LRRD1: variants seen among roughly 807,000 people sequenced by gnomAD.
The protein encoded by LRRD1 is leucine rich repeats and death domain containing 1, also known as leucine-rich repeat and death domain-containing protein 1.
Under a neutral mutation model 69.5 loss-of-function variants are expected in LRRD1, and 49 were observed. That is an observed-to-expected ratio of 0.70 (90% CI 0.56 to 0.89). The LOEUF (loss-of-function observed/expected upper bound fraction) is 0.89, where lower values mean the gene tolerates loss of function less well. LRRD1 is among the 40% of genes least tolerant of loss of function. LRRD1 has a pLI of 0.00. For missense variants in LRRD1, 853 were observed against 956.0 expected, an observed-to-expected ratio of 0.89 and a Z score of 1.42; for synonymous variants, 303 against 338.9, an observed-to-expected ratio of 0.89 and a Z score of 1.16.
At chr7:92,158,964 CTACTTATTGA>C in intron 3 of LRRD1, 31 bp downstream of exon 3, 1 of 1,478,182 alleles carries the variant, frequency 6.8e-7, no homozygotes, top group Non-Finnish European at 9.0e-7. Context: ...CATTAATACT[CTACTTATTGA>C]TTATGCTTAC....
At position 92,163,360 on chromosome 7, in the gene LRRD1, T is replaced by A; in HGVS notation, c.1843A>T (p.Ile615Leu). Residue 615 changes from isoleucine to leucine, a missense_variant, in exon 2 of 6, where the codon ATA becomes TTA. Physicochemically the swap from Ile to Leu is conservative, Grantham distance 5. Around this residue, in one of 3 missense-constraint regions of LRRD1, gnomAD observed 739 missense variants for 808.0 expected, o/e 0.91. Transcript: ENST00000458448. ...TGGCACAGTTCAATAGGAAAATGTA[T>A]AAATTGATTGCTTGAGAAGTTTAAT... ...QKLNFSSNQF[I>L]HFPIELCQLQ... 1 of 1,543,684 alleles carries A rather than the reference T, an allele frequency of 6.5e-7. No individual in the cohort carries two copies. Among genetic ancestry groups the A allele is most frequent in the Non-Finnish European group, 8.7e-7 (1 of 1,144,788 alleles).
At chr7:92,147,504 TG>T (rs1820358378) in intron 4 of LRRD1, among the ~76,000 whole-genome samples, 1 of 150,396 alleles carries the variant, frequency 6.6e-6, no homozygotes, top group Non-Finnish European at 1.5e-5. Context: ...TGTTTTGTTT[TG>T]TTTTGTTTGG....
At chr7:92,148,596 A>G (rs564646221) in intron 4 of LRRD1, among the ~76,000 whole-genome samples, 1 of 152,282 alleles carries the variant, frequency 6.6e-6, no homozygotes, top group East Asian at 1.9e-4. Flanking sequence ...CTGGATGCCA[A>G]GCCTGCAATA....
downstream of LRRD1, chr7:92,142,423 C>T: frequency 2.2e-6 from 1 of 456,594 alleles, no homozygotes; most frequent in Non-Finnish European, 4.4e-6. Context: ...CTACTACACA[C>T]TGTGCATGAT....
chr7:92,169,124 G>A (rs1195335431), intron 1 of LRRD1, among the ~76,000 whole-genome samples: 1 of 151,990 alleles, frequency 6.6e-6, no homozygotes, highest in African/African-American at 2.4e-5. Flanking sequence ...TCATTGAATT[G>A]GCCAGGCTGG....
rs1563195897 is a variant in LRRD1 at position 92,174,511 on chromosome 7, T to TGTATATA, written c.-75+4495_-75+4496insTATATAC. On this transcript the variant is annotated intron_variant, in intron 1 of 5. Coordinates refer to ENST00000458448, the MANE Select transcript of LRRD1 (RefSeq NM_001161528.2). ...TATATATATATATATATATATATAT[T>TGTATATA]TTTTTTTTTTTTTTTTTTTTTTTTT... Among the ~76,000 whole-genome samples, 54 of 26,702 alleles carry TGTATATA rather than the reference T, an allele frequency of 2.0e-3. 2 individuals are homozygous for TGTATATA. Among genetic ancestry groups the TGTATATA allele is most frequent in the Non-Finnish European group, 2.8e-3 (42 of 14,800 alleles). 17.5% of individuals were successfully genotyped at this position (26,702 alleles called of 152,430 possible). A position where few individuals can be genotyped will look rare whatever the true frequency, so the allele number is the denominator to read the frequency against.
At chr7:92,165,559 T>C (rs1192375329) in intron 1 of LRRD1, among the ~76,000 whole-genome samples, 1 of 151,974 alleles carries the variant, frequency 6.6e-6, no homozygotes, top group Non-Finnish European at 1.5e-5. Flanking sequence ...TCAGCAAATT[T>C]CATGGAAAAC....
rs111717648 is a variant in LRRD1, at chr7:92,150,535, A to T, written c.2277T>A (p.Asp759Glu). ...ARYLQRADERDEKILEKIFKI... is the reference protein window; with the variant it reads ...ARYLQRADEREEKILEKIFKI... ...GATAGTCAATCACTCATCACCTACC[A>T]TCTCTTTCATCTGCCCTCTGTAGAT... The change falls in exon 4 of 6, where the codon GAT (aspartate) becomes GAA (glutamate). Residue 759 changes from aspartate (D) to glutamate (E), a missense_variant and splice_region_variant. Asp to Glu is a conservative substitution (Grantham distance 45). This residue lies in a region of LRRD1 where 739 missense variants were observed against 808.0 expected (regional missense o/e 0.91). Transcript: ENST00000458448. 2.6e-6 allele frequency: 4 copies of T among 1,536,712 alleles called. No homozygotes were observed. In the African/African-American group the frequency reaches 4.1e-5, roughly 16 times the overall value.
chr7:92,145,000 G>C lies in LRRD1; in HGVS notation c.2471C>G (p.Thr824Ser). The C allele has an allele frequency of 1.2e-5, 19 of 1,541,812 alleles. No individual in the cohort carries two copies. Among genetic ancestry groups the C allele is most frequent in the Non-Finnish European group, 1.7e-5 (19 of 1,140,778 alleles). Residue 824 changes from threonine to serine, a missense_variant, in exon 6 of 6, where the codon ACT becomes AGT. Thr to Ser is a moderately conservative substitution (Grantham distance 58, BLOSUM62 1). Coordinates refer to ENST00000458448, the MANE Select transcript of LRRD1 (RefSeq NM_001161528.2). The part of the protein sequence containing the change: ...WKTQSNKLSL[T>S]AAALRDQLIR... Reference sequence around the variant, plus strand: ...TAGTTGATCTCTTAAAGCAGCAGCAGTTAGTGATAACTTGTTACTTTGTGT... The same window carrying C: ...TAGTTGATCTCTTAAAGCAGCAGCACTTAGTGATAACTTGTTACTTTGTGT...
In LRRD1 at chr7:92,150,557, A is replaced by C; in HGVS notation, c.2255T>G (p.Leu752Arg). 1 of 1,550,002 alleles carries C rather than the reference A, an allele frequency of 6.5e-7. No homozygotes were observed. Among genetic ancestry groups the C allele is most frequent in the Non-Finnish European group, 8.7e-7 (1 of 1,146,104 alleles). Residue 752 changes from leucine to arginine, a missense_variant, in exon 4 of 6, where the codon CTA (leucine) becomes CGA (arginine). Physicochemically the swap from Leu to Arg is moderately radical, Grantham distance 102. Coordinates refer to ENST00000458448, the MANE Select transcript of LRRD1 (RefSeq NM_001161528.2). ...ACCATCTCTTTCATCTGCCCTCTGT[A>C]GATAGCGTGCAATAGTATACAACTG... ...GKQLYTIARY[L>R]QRADERDEKI...
chr7:92,170,872 A>C (rs532827466), intron 1 of LRRD1, among the ~76,000 whole-genome samples: 2 of 152,228 alleles, frequency 1.3e-5, no homozygotes, highest in African/African-American at 2.4e-5. Context: ...AATGGAATAA[A>C]ACAGGAAATC....
chr7:92,163,328 T>C lies in LRRD1; in HGVS notation c.1875A>G (p.Gln625=). Residue 625 remains glutamine (Q), a synonymous_variant, in exon 2 of 6, where the codon CAA becomes CAG. Coordinates refer to ENST00000458448, the MANE Select transcript of LRRD1 (RefSeq NM_001161528.2). ...IHFPIELCQL[Q]SLEQLNISQI... ...GACTTATATTCAGCTGTTCCAGTGA[T>C]TGAAGTTGGCACAGTTCAATAGGAA... 4 of 1,519,018 alleles carry C rather than the reference T, an allele frequency of 2.6e-6. No individual in the cohort carries two copies. The highest frequency in any genetic ancestry group is 1.3e-5 in the South Asian group (1 of 78,322). The allele number at this position is 1,519,018 out of a possible 1,614,324, so 94.1% of individuals were successfully genotyped here.
In LRRD1 at chr7:92,163,909, T is replaced by C. The variant is rs776198587; in HGVS notation, c.1294A>G (p.Lys432Glu). The C allele has an allele frequency of 2.5e-5, 38 of 1,534,848 alleles. No homozygotes were observed. Among genetic ancestry groups the C allele is most frequent in the Non-Finnish European group, 3.2e-5 (37 of 1,140,738 alleles). Residue 432 changes from lysine to glutamate, a missense_variant, in exon 2 of 6, where the codon AAA becomes GAA. By Grantham distance (56) the Lys-to-Glu change is moderately conservative (BLOSUM62 1). Around this residue, in one of 3 missense-constraint regions of LRRD1, gnomAD observed 739 missense variants for 808.0 expected, o/e 0.91. Transcript: ENST00000458448. ...AGATGTGAGATACAGTCAGTTATTT[T>C]TACCATATTATTTCTGTTTACATGG... is the stretch of plus-strand genomic sequence containing the variant. ...KLHVNRNNMV[K>E]ITDCISHLNN...
chr7:92,145,633 G>A (rs980235782), intron 5 of LRRD1, among the ~76,000 whole-genome samples: 2 of 151,714 alleles, frequency 1.3e-5, no homozygotes, highest in Admixed American at 6.6e-5. Flanking sequence ...TAGAGGCGGG[G>A]TTTCACCGTG....
intron 1 of LRRD1, among the ~76,000 whole-genome samples, chr7:92,168,297 T>C (rs1214387495): frequency 6.6e-6 from 1 of 152,182 alleles, no homozygotes; most frequent in Non-Finnish European, 1.5e-5. Flanking sequence ...TTGGATTCCC[T>C]GGCAGGAGAC....
chr7:92,164,373 G>C lies in LRRD1; in HGVS notation c.830C>G (p.Pro277Arg), dbSNP rs944845812. The change falls in exon 2 of 6, where the codon CCT becomes CGT. Residue 277 changes from proline to arginine, a missense_variant. Pro to Arg is a moderately radical substitution (Grantham distance 103). Coordinates refer to ENST00000458448, the MANE Select transcript of LRRD1 (RefSeq NM_001161528.2). The stretch of plus-strand genomic sequence containing the variant: ...GAGAACCCTCAAGGTTTTTAAACTA[G>C]GCAGAGTATCTGGTATATGTCTTAA... Reference protein sequence around the residue: ...NKLRHIPDTLPSLKTLRVLNL... With the variant: ...NKLRHIPDTLRSLKTLRVLNL... 7.1e-6 allele frequency: 11 copies of C among 1,549,114 alleles called. No individual in the cohort carries two copies. Among genetic ancestry groups the C allele is most frequent in the Admixed American group, 2.0e-5 (1 of 50,470 alleles).
chr7:92,147,465 G>T (rs545945377), intron 4 of LRRD1, among the ~76,000 whole-genome samples: 1 of 135,444 alleles, frequency 7.4e-6, no homozygotes, highest in Admixed American at 7.7e-5. Context: ...TTTTTTATGT[G>T]CGTGGGTGTG....
At chr7:92,145,100 A>C in intron 5 of LRRD1, 26 bp from the exon 6 acceptor site, 1 of 1,129,594 alleles carries the variant, frequency 8.9e-7, no homozygotes, top group Non-Finnish European at 1.2e-6. Flanking sequence ...AATAATATTA[A>C]TAGTTAAATA....
At chr7:92,143,422 C>T (rs145306345), downstream of LRRD1, among the ~76,000 whole-genome samples, 1,307 of 150,986 alleles carry the variant, frequency 8.7e-3, 17 homozygotes, top group Non-Finnish European at 0.01. Context: ...GAACCGGGGG[C>T]GGCACTCGTC....
Sources: allele counts gnomAD v4.1 joint callset (sites outside exome capture counted in the v4.1 genomes callset), GRCh38; gene constraint gnomAD v4.1.1; regional missense constraint gnomAD v4.1.1; transcripts MANE v1.5; gene names NCBI Gene and HGNC (gene_info 2026-07-23, HGNC 2026-07-21).